The following PATJ variants were observed in gnomAD, a reference collection of about 807,000 sequenced individuals.
PATJ encodes the protein PATJ crumbs cell polarity complex component.
Under a neutral mutation model 224.9 loss-of-function variants are expected in PATJ, and 190 were observed. The ratio of observed to expected loss-of-function variants is 0.84; its 90% CI spans 0.75 to 0.95. The LOEUF (loss-of-function observed/expected upper bound fraction) is 0.95, where lower values mean the gene tolerates loss of function less well. PATJ is among the 40% of genes least tolerant of loss of function. The pLI is 0.00. For synonymous variants in PATJ, 769 were observed against 820.3 expected (o/e 0.94, Z 1.07); for missense variants, 2,121 against 2,270.3 (o/e 0.93, Z 1.34).
intron 41 of PATJ, among the ~76,000 whole-genome samples, chr1:62,146,675 G>A (rs1332842202): frequency 6.6e-6 from 1 of 152,062 alleles, no homozygotes; most frequent in Non-Finnish European, 1.5e-5. Context: ...TACTCGGGAG[G>A]CTGAGGCAGG....
intron 27 of PATJ, among the ~76,000 whole-genome samples, chr1:61,961,900 CAG>C (rs1221737064): frequency 6.8e-6 from 1 of 146,690 alleles, no homozygotes; most frequent in Non-Finnish European, 1.5e-5. Flanking sequence ...ACCTGGGAAG[CAG>C]AGGTTGCAGT....
At chr1:62,113,677 A>C (rs1664116775) in intron 34 of PATJ, among the ~76,000 whole-genome samples, 1 of 152,184 alleles carries the variant, frequency 6.6e-6, no homozygotes, top group Non-Finnish European at 1.5e-5. Flanking sequence ...TGTCATATCC[A>C]ATAAGCAAAC....
intron 43 of PATJ, among the ~76,000 whole-genome samples, chr1:62,153,721 ATTTT>A (rs1486734080): frequency 6.6e-6 from 1 of 152,118 alleles, no homozygotes; most frequent in Admixed American, 6.6e-5. Context: ...ATGCTCACAG[ATTTT>A]TAGAGTGTCT....
chr1:61,904,604 G>A (rs1258916531), intron 24 of PATJ, among the ~76,000 whole-genome samples: 1 of 152,210 alleles, frequency 6.6e-6, no homozygotes, highest in Non-Finnish European at 1.5e-5. Flanking sequence ...ATTCTCAACT[G>A]CTATGAAGAA....
intron 14 of PATJ, among the ~76,000 whole-genome samples, chr1:61,818,856 G>A (rs967752501): frequency 1.6e-4 from 24 of 152,128 alleles, no homozygotes; most frequent in Admixed American, 1.0e-3. Flanking sequence ...GTGGGAATGG[G>A]GGTCATCATA....
At chr1:62,103,510 T>G (rs1325895161) in intron 33 of PATJ, among the ~76,000 whole-genome samples, 1 of 152,230 alleles carries the variant, frequency 6.6e-6, no homozygotes, top group Non-Finnish European at 1.5e-5. Context: ...CCCAGCAGTT[T>G]GGGAGGCCAA....
At chr1:62,128,663 G>A (rs1406559273) in intron 40 of PATJ, among the ~76,000 whole-genome samples, 178 bp from the exon 41 acceptor site, 6 of 152,192 alleles carry the variant, frequency 3.9e-5, no homozygotes, top group Admixed American at 3.3e-4. Context: ...TGATTTGTCT[G>A]TATTTGGGGA....
At chr1:61,842,765 A>AAAAAAAAAAGGAAAAG (rs1305254949) in intron 17 of PATJ, among the ~76,000 whole-genome samples, 3 of 141,512 alleles carry the variant, frequency 2.1e-5, no homozygotes, top group Non-Finnish European at 4.6e-5. Context: ...ACAGCTATTA[A>AAAAAAAAAAGGAAAAG]AAAAAAAAAG....
chr1:61,830,520 G>A, intron 16 of PATJ, among the ~76,000 whole-genome samples: 1 of 152,028 alleles, frequency 6.6e-6, no homozygotes, highest in African/African-American at 2.4e-5. Context: ...TAAATTTTAA[G>A]GAAATTTTTA....
chr1:62,108,803 A>T (rs914903605), intron 34 of PATJ, among the ~76,000 whole-genome samples: 1 of 151,956 alleles, frequency 6.6e-6, no homozygotes, highest in African/African-American at 2.4e-5. Flanking sequence ...ATAATATTGC[A>T]AATTTTTTGC....
chr1:61,960,221 C>T (rs958128363), intron 27 of PATJ, among the ~76,000 whole-genome samples: 3 of 152,076 alleles, frequency 2.0e-5, no homozygotes, highest in Non-Finnish European at 4.4e-5. Context: ...TATTCCTTAA[C>T]TCTAATGTGG....
intron 20 of PATJ, 61 bp downstream of exon 20, chr1:61,864,694 T>C: frequency 7.0e-7 from 1 of 1,436,276 alleles, no homozygotes; most frequent in Non-Finnish European, 9.4e-7. Flanking sequence ...TGTCCCTGTC[T>C]CTAACTCATG....
intron 28 of PATJ, among the ~76,000 whole-genome samples, chr1:62,005,590 C>G (rs1646044318): frequency 6.6e-6 from 1 of 151,966 alleles, no homozygotes; most frequent in Non-Finnish European, 1.5e-5. Context: ...ATAGCAAGAC[C>G]TTGTCTCTAC....
chr1:61,879,553 T>G (rs940319872), intron 21 of PATJ, among the ~76,000 whole-genome samples: 1 of 152,120 alleles, frequency 6.6e-6, no homozygotes, highest in Non-Finnish European at 1.5e-5. Context: ...TGCAGAGTTC[T>G]CCGGTATGGT....
At chr1:61,804,726 C>T (rs1200855315) in intron 12 of PATJ, among the ~76,000 whole-genome samples, 1 of 152,132 alleles carries the variant, frequency 6.6e-6, no homozygotes, top group Non-Finnish European at 1.5e-5. Flanking sequence ...GAGCTTCTGG[C>T]TACAGTCATG....
intron 21 of PATJ, among the ~76,000 whole-genome samples, chr1:61,876,841 T>C (rs2149035659): frequency 6.6e-6 from 1 of 152,352 alleles, no homozygotes; most frequent in South Asian, 2.1e-4. Context: ...AGAGATATTC[T>C]TGACCTTTTG....
intron 9 of PATJ, among the ~76,000 whole-genome samples, chr1:61,792,123 C>A (rs530569454): frequency 6.6e-6 from 1 of 152,008 alleles, no homozygotes; most frequent in East Asian, 1.9e-4. Context: ...GAGTTCATTT[C>A]CTTAAAAAAA....
chr1:61,832,222 G>A (rs1430325941), intron 16 of PATJ, among the ~76,000 whole-genome samples: 1 of 152,040 alleles, frequency 6.6e-6, no homozygotes, highest in Non-Finnish European at 1.5e-5. Context: ...TACCTGTCAG[G>A]CACTATGCTT....
Position 61,911,693 on chromosome 1 carries a change from TTTTA to T in PATJ, c.3493-2892_3493-2889del, listed in dbSNP as rs1198039083. ...CACAGAAATTCCATCATCTATATAT[TTTTA>T]TATATATATATATATATATATCATA... On this transcript the variant is annotated intron_variant, in intron 25 of 43. Coordinates refer to ENST00000642238, the MANE Select transcript of PATJ (RefSeq NM_001350145.3). 4.1e-3 allele frequency among the ~76,000 whole-genome samples: 488 copies of T among 119,482 alleles called. 3 individuals are homozygous for T. Among genetic ancestry groups the T allele is most frequent in the African/African-American group, 0.024 (460 of 18,806 alleles). The allele number at this position is 119,482 out of a possible 152,430, so 78.4% of individuals were successfully genotyped here.
Sources: allele counts gnomAD v4.1 joint callset (sites outside exome capture counted in the v4.1 genomes callset), GRCh38; gene constraint gnomAD v4.1.1; transcripts MANE v1.5; gene names NCBI Gene and HGNC (gene_info 2026-07-23, HGNC 2026-07-21).